Variants in SRGAP2 observed in about 807,000 individuals in gnomAD.
SRGAP2 encodes SLIT-ROBO Rho GTPase activating protein 2.
Under a neutral mutation model 57.2 loss-of-function variants are expected in SRGAP2, and 15 were observed. The observed-to-expected ratio is 0.26, with a 90% CI of 0.18 to 0.40. The LOEUF (loss-of-function observed/expected upper bound fraction) is 0.40. SRGAP2 is among the 10% of genes least tolerant of loss of function. The pLI is 1.00. For missense variants in SRGAP2, 520 were observed against 669.6 expected (o/e 0.78, Z 2.47); for synonymous variants, 249 against 248.0 (o/e 1.00, Z -0.04).
At chr1:206,340,651 T>C (rs1553334935) in intron 3 of SRGAP2, among the ~76,000 whole-genome samples, 1 of 149,170 alleles carries the variant, frequency 6.7e-6, no homozygotes, top group African/African-American at 2.5e-5. Context: ...ACCACTTGAT[T>C]AAAATGTAAA....
At chr1:206,341,734 A>T (rs1675207416) in intron 3 of SRGAP2, among the ~76,000 whole-genome samples, 1 of 152,118 alleles carries the variant, frequency 6.6e-6, no homozygotes, top group Non-Finnish European at 1.5e-5. Flanking sequence ...GCGGTGGCTC[A>T]CTCCTATAAT....
intron 2 of SRGAP2, among the ~76,000 whole-genome samples, chr1:206,260,568 C>T (rs1313825826): frequency 6.6e-6 from 1 of 152,178 alleles, no homozygotes; most frequent in Non-Finnish European, 1.5e-5. Flanking sequence ...CGTTCTTTTA[C>T]ATGAAAGGTA....
At chr1:206,385,118 G>C (rs1174470569) in intron 5 of SRGAP2, among the ~76,000 whole-genome samples, 5 of 111,224 alleles carry the variant, frequency 4.5e-5, no homozygotes, top group Admixed American at 8.7e-5. Context: ...CATGGCAACT[G>C]TTAAGCAAGT....
At chr1:206,305,465 G>C (rs1314171421) in intron 3 of SRGAP2, among the ~76,000 whole-genome samples, 1 of 152,150 alleles carries the variant, frequency 6.6e-6, no homozygotes, top group African/African-American at 2.4e-5. Flanking sequence ...CCCTGTTCCA[G>C]GAAACTTTCC....
intron 3 of SRGAP2, among the ~76,000 whole-genome samples, chr1:206,320,649 A>G (rs1553327376): frequency 6.6e-6 from 1 of 150,780 alleles, no homozygotes; most frequent in East Asian, 2.0e-4. Context: ...GGGAGAAATG[A>G]TTTCATTTTT....
chr1:206,439,970 T>G lies in SRGAP2; in HGVS notation c.1769-6T>G. On this transcript the variant is annotated splice_region_variant and splice_polypyrimidine_tract_variant and intron_variant, in intron 16 of 22. Transcript: ENST00000573034. The stretch of plus-strand genomic sequence containing the variant: ...GGAGGATAACACATGGCTTTCTTCT[T>G]TTCAGCAATGGACAACCTGCAGGAG... 1.3e-6 allele frequency: 1 copy of G among 780,648 alleles called. No individual in the cohort carries two copies. Among genetic ancestry groups the G allele is most frequent in the Non-Finnish European group, 2.4e-6 (1 of 417,878 alleles). 48.4% of individuals were successfully genotyped at this position (780,648 alleles called of 1,614,324 possible). A position where few individuals can be genotyped will look rare whatever the true frequency, so the allele number is the denominator to read the frequency against.
Position 206,303,324 on chromosome 1 carries a change from G to C in SRGAP2, c.111G>C (p.Gln37His). The C allele has an allele frequency of 6.9e-7, 1 of 1,441,230 alleles. No homozygotes were observed. The allele number at this position is 1,441,230 out of a possible 1,614,324, so 89.3% of individuals were successfully genotyped here. ...QLTEQMKCLD[Q>H]QCELRVQLLQ... ...CAGAGCAGATGAAATGCCTGGACCA[G>C]CAGTGTGAGCTTCGGGTGCAACTGT... The change falls in exon 3 of 23, where the codon CAG (glutamine) becomes CAC (histidine). Residue 37 changes from glutamine (Q) to histidine (H), a missense_variant. Coordinates refer to ENST00000573034, the MANE Select transcript of SRGAP2 (RefSeq NM_015326.5).
rs1658747141 is a variant in SRGAP2, at chr1:206,407,164, T to C, written c.1356+590T>C. On this transcript the variant is annotated intron_variant, in intron 10 of 22. Transcript: ENST00000573034. Reference sequence around the variant, plus strand: ...AGACAGTTGGACCCTTTTTTCTTTTTCTTTTTTTTTTTTTTTTTAAGTATT... The same window carrying C: ...AGACAGTTGGACCCTTTTTTCTTTTCCTTTTTTTTTTTTTTTTTAAGTATT... The C allele has an allele frequency of 3.2e-5, 2 of 63,340 alleles. 1 individual carries two copies. The highest frequency in any genetic ancestry group is 2.5e-4 in the African/African-American group (2 of 8,124). The allele number at this position is 63,340 out of a possible 1,614,324, so 3.9% of individuals were successfully genotyped here. A position where few individuals can be genotyped will look rare whatever the true frequency, so the allele number is the denominator to read the frequency against.
At chr1:206,426,354 A>C (rs1286735375) in intron 13 of SRGAP2, among the ~76,000 whole-genome samples, 4 of 152,176 alleles carry the variant, frequency 2.6e-5, no homozygotes, top group Admixed American at 2.6e-4. Flanking sequence ...TATATACCAC[A>C]TTTTACCCAT....
intron 2 of SRGAP2, among the ~76,000 whole-genome samples, chr1:206,267,211 G>A (rs1439281352): frequency 1.3e-5 from 2 of 151,840 alleles, no homozygotes; most frequent in Non-Finnish European, 2.9e-5. Flanking sequence ...CTCGTGATCC[G>A]CCTGCCTCTG....
At chr1:206,426,432 T>C (rs1660803388) in intron 13 of SRGAP2, among the ~76,000 whole-genome samples, 1 of 152,256 alleles carries the variant, frequency 6.6e-6, no homozygotes. Flanking sequence ...GCAATAAACC[T>C]GAGAGTGCAG....
At chr1:206,333,482 C>T in intron 3 of SRGAP2, 1 of 1,498,136 alleles carries the variant, frequency 6.7e-7, no homozygotes, top group Admixed American at 1.7e-5. Context: ...AGGCGAAGGT[C>T]TCTGGTGCGG....
intron 13 of SRGAP2, among the ~76,000 whole-genome samples, chr1:206,428,579 G>C (rs1661015214): frequency 6.6e-6 from 1 of 152,120 alleles, no homozygotes; most frequent in South Asian, 2.1e-4. Flanking sequence ...AGATTGCCTG[G>C]GTTTGAATCC....
At chr1:206,411,997 A>G (rs1340217852) in intron 10 of SRGAP2, among the ~76,000 whole-genome samples, 1 of 152,112 alleles carries the variant, frequency 6.6e-6, no homozygotes, top group Non-Finnish European at 1.5e-5. Flanking sequence ...ATTCTCACCA[A>G]CTTTGTGAAA....
intron 5 of SRGAP2, among the ~76,000 whole-genome samples, chr1:206,386,683 C>T (rs1205960924): frequency 2.9e-5 from 4 of 137,916 alleles, no homozygotes; most frequent in Non-Finnish European, 1.6e-5. Context: ...CCTGTAGTCC[C>T]AGCTACTGGG....
chr1:206,357,893 T>C (rs1402550784), intron 4 of SRGAP2, among the ~76,000 whole-genome samples: 2 of 146,636 alleles, frequency 1.4e-5, no homozygotes, highest in African/African-American at 2.5e-5. Flanking sequence ...CAGCTGGCTG[T>C]TGTCTTGACT....
intron 2 of SRGAP2, among the ~76,000 whole-genome samples, chr1:206,290,641 CAAAA>C (rs1237811129): frequency 6.6e-5 from 3 of 45,190 alleles, no homozygotes; most frequent in Admixed American, 2.4e-4. Flanking sequence ...GACTCCATCT[CAAAA>C]AAAAAAAAAA....
chr1:206,418,348 G>C (rs1659929996), intron 11 of SRGAP2, among the ~76,000 whole-genome samples: 1 of 152,218 alleles, frequency 6.6e-6, no homozygotes, highest in Admixed American at 6.5e-5. Flanking sequence ...CGTTGCTCAA[G>C]ATGAGCTGAA....
chr1:206,347,442 T>C (rs1259791148), intron 4 of SRGAP2, among the ~76,000 whole-genome samples: 4 of 147,206 alleles, frequency 2.7e-5, no homozygotes, highest in Admixed American at 2.7e-4. Context: ...CCAGGCAAGA[T>C]GGCCAGTGCC....
Sources: allele counts gnomAD v4.1 joint callset (sites outside exome capture counted in the v4.1 genomes callset), GRCh38; gene constraint gnomAD v4.1.1; transcripts MANE v1.5; gene names NCBI Gene and HGNC (gene_info 2026-07-23, HGNC 2026-07-21).